The following DPYD variants were observed in gnomAD, a reference collection of about 807,000 sequenced individuals.
DPYD encodes the protein dihydropyrimidine dehydrogenase, also known as dihydropyrimidine dehydrogenase [NADP(+)].
In DPYD, 109 loss-of-function variants were observed where a neutral mutation model predicts 116.2. The ratio of observed to expected loss-of-function variants is 0.94; its 90% CI spans 0.80 to 1.10. DPYD has a LOEUF of 1.10. DPYD is among the 50% of genes least tolerant of loss of function. DPYD has a pLI of 0.00. For synonymous variants in DPYD, 440 were observed against 432.0 expected (o/e 1.02, Z -0.23); for missense variants, 1,302 against 1,254.5 (o/e 1.04, Z -0.57).
chr1:97,109,857 TAA>T (rs149819223), intron 20 of DPYD, among the ~76,000 whole-genome samples: 1 of 151,900 alleles, frequency 6.6e-6, no homozygotes, highest in Non-Finnish European at 1.5e-5. Flanking sequence ...TTTTTTAATA[TAA>T]AAAATATCTT....
chr1:97,516,119 C>T (rs1353245878), intron 12 of DPYD, among the ~76,000 whole-genome samples, 178 bp from the exon 13 acceptor site: 1 of 151,828 alleles, frequency 6.6e-6, no homozygotes, highest in Non-Finnish European at 1.5e-5. Context: ...TATAATATGG[C>T]CTTTTAATTT....
intron 11 of DPYD, among the ~76,000 whole-genome samples, chr1:97,563,225 G>A (rs539710939): frequency 2.0e-5 from 3 of 151,980 alleles, no homozygotes; most frequent in East Asian, 1.9e-4. Context: ...ATCTCACAGC[G>A]GCTTAGTTTT....
At chr1:97,770,000 C>A (rs930531017) in intron 3 of DPYD, among the ~76,000 whole-genome samples, 9 of 152,070 alleles carry the variant, frequency 5.9e-5, no homozygotes, top group Admixed American at 3.3e-4. Context: ...GCATAGGAAG[C>A]CAGTATTTAC....
At chr1:97,551,030 C>T (rs989471112) in intron 11 of DPYD, among the ~76,000 whole-genome samples, 3 of 152,040 alleles carry the variant, frequency 2.0e-5, no homozygotes, top group African/African-American at 7.2e-5. Flanking sequence ...GCAATTTGTC[C>T]ACACTGCTTG....
At chr1:97,673,786 G>T (rs1659998930) in intron 8 of DPYD, among the ~76,000 whole-genome samples, 1 of 152,074 alleles carries the variant, frequency 6.6e-6, no homozygotes, top group African/African-American at 2.4e-5. Flanking sequence ...GTAGGGAGTA[G>T]ATCATCACAA....
Position 97,481,938 on chromosome 1 carries a change from G to A in DPYD, c.1741-31715C>T, listed in dbSNP as rs533056749. Among the ~76,000 whole-genome samples the A allele has an allele frequency of 7.9e-5, 12 of 152,200 alleles. No individual in the cohort carries two copies. In the East Asian group the frequency reaches 1.2e-3, roughly 15 times the overall value. On this transcript the variant is annotated intron_variant, in intron 13 of 22. Coordinates refer to ENST00000370192, the MANE Select transcript of DPYD (RefSeq NM_000110.4). ...CACACATACAAACATTTCTAGAGAA[G>A]GATATAATGCACTGATAGTAGATTA...
At chr1:97,103,277 G>T (rs979099125) in intron 20 of DPYD, among the ~76,000 whole-genome samples, 1 of 152,052 alleles carries the variant, frequency 6.6e-6, no homozygotes, top group African/African-American at 2.4e-5. Context: ...ATTTGATGCT[G>T]ATTTTTATTT....
At chr1:97,774,952 C>T in intron 3 of DPYD, 2 of 341,742 alleles carry the variant, frequency 5.9e-6, no homozygotes, top group South Asian at 5.5e-5. Flanking sequence ...CCTCAAAGGT[C>T]ACCTCACTGC....
intron 5 of DPYD, among the ~76,000 whole-genome samples, chr1:97,699,768 C>A (rs1250585152): frequency 6.6e-6 from 1 of 151,922 alleles, no homozygotes; most frequent in East Asian, 1.9e-4. Flanking sequence ...CTAGGAAACA[C>A]TCATGGGGCA....
intron 13 of DPYD, among the ~76,000 whole-genome samples, chr1:97,485,313 T>G (rs752034510): frequency 1.6e-4 from 24 of 152,220 alleles, no homozygotes; most frequent in Non-Finnish European, 2.1e-4. Flanking sequence ...GCAATTTTCA[T>G]GCCTCAGCCT....
At chr1:97,731,883 T>C (rs189877241) in intron 4 of DPYD, among the ~76,000 whole-genome samples, 1 of 151,986 alleles carries the variant, frequency 6.6e-6, no homozygotes, top group Non-Finnish European at 1.5e-5. Flanking sequence ...TTTTATATCA[T>C]TAGTGTTTTT....
At chr1:97,724,720 C>T (rs1285508007) in intron 4 of DPYD, among the ~76,000 whole-genome samples, 1 of 151,518 alleles carries the variant, frequency 6.6e-6, no homozygotes, top group East Asian at 1.9e-4. Context: ...TTCAAAAACA[C>T]TCTCACAGAA....
intron 3 of DPYD, among the ~76,000 whole-genome samples, chr1:97,807,815 A>T (rs377477169): frequency 2.6e-5 from 4 of 152,076 alleles, no homozygotes; most frequent in African/African-American, 9.7e-5. Flanking sequence ...TGTTTGTGAA[A>T]GGTGTTAGAT....
chr1:97,309,331 TTGTGTGTGTG>T (rs59669909), intron 16 of DPYD, among the ~76,000 whole-genome samples: 8 of 147,654 alleles, frequency 5.4e-5, no homozygotes, highest in African/African-American at 7.5e-5. Context: ...GTTGCTTGTC[TTGTGTGTGTG>T]TGTGTGTGTG....
At chr1:97,082,672 T>C (rs893447646) in intron 21 of DPYD, among the ~76,000 whole-genome samples, 1 of 152,186 alleles carries the variant, frequency 6.6e-6, no homozygotes, top group Non-Finnish European at 1.5e-5. Flanking sequence ...GCAATATGCA[T>C]GCCTGGCTTA....
rs1674490091 is a variant in DPYD, at chr1:97,920,962, T to C, written c.-40A>G. The C allele has an allele frequency of 6.4e-7, 1 of 1,563,208 alleles. No individual in the cohort carries two copies. The highest frequency in any genetic ancestry group is 2.4e-5 in the East Asian group (1 of 41,302). On this transcript the variant is annotated 5_prime_UTR_variant, in exon 1 of 23. Coordinates refer to ENST00000370192, the MANE Select transcript of DPYD (RefSeq NM_000110.4). ...TCTCGAGTCTGCCAGTGACAAACCC[T>C]CCTTGCGTCCTCAAGCTCCAGCCAG...
At chr1:97,777,620 A>G (rs1666487562) in intron 3 of DPYD, among the ~76,000 whole-genome samples, 2 of 152,138 alleles carry the variant, frequency 1.3e-5, no homozygotes, top group African/African-American at 4.8e-5. Flanking sequence ...TTTCAGCCAA[A>G]CAGAAAGGTA....
At chr1:97,229,566 ATATATATATATATATATATAT>A (rs1661444680) in intron 19 of DPYD, among the ~76,000 whole-genome samples, 5 of 130,512 alleles carry the variant, frequency 3.8e-5, no homozygotes, top group East Asian at 2.0e-4. Context: ...ATATATATAT[ATATATATATATATATATATAT>A]ATACTGATTT....
chr1:97,460,776 T>G (rs554526275), intron 13 of DPYD, among the ~76,000 whole-genome samples: 1 of 152,122 alleles, frequency 6.6e-6, no homozygotes. Context: ...CGGTGGCTCA[T>G]GCCTGTAATC....
Sources: allele counts gnomAD v4.1 joint callset (sites outside exome capture counted in the v4.1 genomes callset), GRCh38; gene constraint gnomAD v4.1.1; transcripts MANE v1.5; gene names NCBI Gene and HGNC (gene_info 2026-07-23, HGNC 2026-07-21).